The following KMT2C variants were observed in gnomAD, a reference collection of about 807,000 sequenced individuals.
KMT2C encodes lysine methyltransferase 2C, also known as histone-lysine N-methyltransferase 2C.
A neutral mutation model predicts 507.9 loss-of-function variants in KMT2C; 88 were observed. The ratio of observed to expected loss-of-function variants is 0.17; its 90% CI spans 0.15 to 0.21. The LOEUF (loss-of-function observed/expected upper bound fraction) is 0.21, where lower values mean the gene tolerates loss of function less well. Among genes scored for constraint, KMT2C ranks in the 10% least tolerant of loss-of-function variants. KMT2C has a pLI of 1.00. For synonymous variants in KMT2C, 2,049 were observed against 2,080.8 expected, an observed-to-expected ratio of 0.98 and a Z score of 0.42; for missense variants, 4,954 against 5,957.8, an observed-to-expected ratio of 0.83 and a Z score of 5.55.
intron 14 of KMT2C, among the ~76,000 whole-genome samples, chr7:152,243,241 G>A (rs1031424716): frequency 2.0e-5 from 3 of 152,186 alleles, no homozygotes; most frequent in African/African-American, 7.2e-5. Context: ...ACTAGCAACA[G>A]TAATATCTCC....
chr7:152,157,957 A>G (rs79917808), intron 44 of KMT2C: 4 of 1,285,564 alleles, frequency 3.1e-6, no homozygotes, highest in Non-Finnish European at 4.1e-6. Context: ...AGTAATGTAC[A>G]TGATAAAAGG....
At chr7:152,153,731 TAAA>T (rs34303062) in intron 48 of KMT2C, among the ~76,000 whole-genome samples, 36 of 129,432 alleles carry the variant, frequency 2.8e-4, no homozygotes, top group Admixed American at 6.3e-4. Context: ...GTGTCTCTAT[TAAA>T]AAAAAAAAAA....
intron 1 of KMT2C, among the ~76,000 whole-genome samples, chr7:152,365,623 C>T (rs995345553): frequency 2.6e-5 from 4 of 152,208 alleles, no homozygotes; most frequent in East Asian, 1.9e-4. Flanking sequence ...TGGTCTCAAG[C>T]GATCCTCCCA....
intron 27 of KMT2C, among the ~76,000 whole-genome samples, chr7:152,198,686 G>C (rs189045666): frequency 6.6e-6 from 1 of 152,214 alleles, no homozygotes; most frequent in African/African-American, 2.4e-5. Context: ...TCAACCGGGG[G>C]TGATTTTGCC....
At position 152,146,666 on chromosome 7, in the gene KMT2C, G is replaced by A. The variant is rs1162658961; in HGVS notation, c.13964C>T (p.Pro4655Leu). 1 of 1,613,928 alleles carries A rather than the reference G, an allele frequency of 6.2e-7. No homozygotes were observed. ...CAGATCCTCTCCTTTTAAATACGCT[G>A]GGAAAAGCTGGAGCATTTCAGACTT... ...RKKSEMLQLF[P>L]AYLKGEDLFG... The change falls in exon 53 of 59, where the codon CCA becomes CTA. Residue 4655 changes from proline to leucine, a missense_variant. By Grantham distance (98) the Pro-to-Leu change is moderately conservative (BLOSUM62 -3). Transcript: ENST00000262189.
At chr7:152,396,474 T>C (rs2097538901) in intron 1 of KMT2C, among the ~76,000 whole-genome samples, 1 of 152,174 alleles carries the variant, frequency 6.6e-6, no homozygotes, top group Non-Finnish European at 1.5e-5. Context: ...TTAATAGTTT[T>C]CATTTTCATT....
At chr7:152,315,436 TA>T (rs2096713407) in intron 3 of KMT2C, 98 bp from the exon 4 acceptor site, 2 of 803,098 alleles carry the variant, frequency 2.5e-6, no homozygotes, top group Middle Eastern at 2.4e-4. Flanking sequence ...AAATTATGTC[TA>T]AAGCACAAGC....
chr7:152,374,705 C>G (rs1001957693), intron 1 of KMT2C, among the ~76,000 whole-genome samples: 10 of 151,754 alleles, frequency 6.6e-5, no homozygotes, highest in African/African-American at 2.4e-4. Context: ...TCCAGACCAG[C>G]CTGGCCAATA....
intron 42 of KMT2C, among the ~76,000 whole-genome samples, chr7:152,166,257 G>A (rs2092723316): frequency 6.6e-6 from 1 of 151,934 alleles, no homozygotes; most frequent in Non-Finnish European, 1.5e-5. Context: ...AAATAGCTGG[G>A]ATTACAGGCA....
intron 6 of KMT2C, among the ~76,000 whole-genome samples, chr7:152,307,248 A>ACGGAC (rs2096626772): frequency 1.7e-5 from 2 of 116,988 alleles, no homozygotes; most frequent in African/African-American, 8.5e-5. Context: ...GAAGGAAGGA[A>ACGGAC]GGACGGTAGG....
intron 9 of KMT2C, among the ~76,000 whole-genome samples, chr7:152,254,665 G>A (rs1415279632): frequency 6.6e-6 from 1 of 152,108 alleles, no homozygotes; most frequent in African/African-American, 2.4e-5. Flanking sequence ...CTAAGGACAG[G>A]AAAAAGCAAG....
intron 1 of KMT2C, chr7:152,368,253 T>C: frequency 3.3e-6 from 3 of 918,526 alleles, no homozygotes; most frequent in South Asian, 2.6e-5. Flanking sequence ...AAGATGTTAC[T>C]AATAATGTCC....
intron 27 of KMT2C, 86 bp downstream of exon 27, chr7:152,199,193 A>C: frequency 8.6e-7 from 1 of 1,166,776 alleles, no homozygotes; most frequent in South Asian, 1.5e-5. Flanking sequence ...TATGAGGCCA[A>C]ACAAAAACAT....
At chr7:152,273,976 T>C in intron 6 of KMT2C, 109 bp from the exon 7 acceptor site, 1 of 1,002,766 alleles carries the variant, frequency 1.0e-6, no homozygotes, top group Non-Finnish European at 1.3e-6. Flanking sequence ...GTAAAACAAA[T>C]TGAACCTGCA....
chr7:152,203,388 G>A (rs1328822731), intron 25 of KMT2C, among the ~76,000 whole-genome samples: 1 of 151,724 alleles, frequency 6.6e-6, no homozygotes, highest in Non-Finnish European at 1.5e-5. Flanking sequence ...TGACGAAATG[G>A]CAACTTATAA....
At position 152,181,401 on chromosome 7, in the gene KMT2C, C is replaced by T. The variant is rs1273391095; in HGVS notation, c.6459G>A (p.Arg2153=). ...DSYSQSSGTA[R]SNTDPYSQPP... The stretch of plus-strand genomic sequence containing the variant: ...GTTGAGAGTAAGGGTCTGTATTGGA[C>T]CTAGCTGTTCCTGAAGATTGGGAAT... Residue 2153 remains arginine (R), a synonymous_variant, in exon 36 of 59, where the codon AGG becomes AGA. Coordinates refer to ENST00000262189, the MANE Select transcript of KMT2C (RefSeq NM_170606.3). 1 of 1,613,822 alleles carries T rather than the reference C, an allele frequency of 6.2e-7. No homozygotes were observed. Among genetic ancestry groups the T allele is most frequent in the Admixed American group, 1.7e-5 (1 of 59,990 alleles).
intron 16 of KMT2C, among the ~76,000 whole-genome samples, chr7:152,231,852 T>G (rs2095126567): frequency 6.6e-6 from 1 of 151,510 alleles, no homozygotes; most frequent in Non-Finnish European, 1.5e-5. Context: ...TATTTTTCAA[T>G]ACAAATACAT....
chr7:152,180,155 G>T (rs2129118468), intron 36 of KMT2C, 29 bp from the exon 37 acceptor site: 2 of 1,610,320 alleles, frequency 1.2e-6, no homozygotes, highest in South Asian at 1.1e-5. Context: ...AAATCACTGG[G>T]ATTTGTGGTA....
intron 37 of KMT2C, among the ~76,000 whole-genome samples, chr7:152,179,040 G>A (rs886799972): frequency 6.6e-6 from 1 of 152,164 alleles, no homozygotes; most frequent in Non-Finnish European, 1.5e-5. Flanking sequence ...TCCCAGGCTG[G>A]AGTGCAGTGG....
Sources: allele counts gnomAD v4.1 joint callset (sites outside exome capture counted in the v4.1 genomes callset), GRCh38; gene constraint gnomAD v4.1.1; transcripts MANE v1.5; gene names NCBI Gene and HGNC (gene_info 2026-07-23, HGNC 2026-07-21).